The following CILP2 variants were observed in gnomAD, a reference collection of about 807,000 sequenced individuals.
The protein encoded by CILP2 is CILP-2.
Under a neutral mutation model 45.6 loss-of-function variants are expected in CILP2, and 38 were observed. The observed-to-expected ratio is 0.83, with a 90% CI of 0.64 to 1.09. The LOEUF is 1.09. Ranked by LOEUF, CILP2 falls within the 50% of genes least tolerant of loss-of-function variation. CILP2 has a pLI of 0.00. For synonymous variants in CILP2, 780 were observed against 723.5 expected (o/e 1.08, Z -1.25); for missense variants, 1,735 against 1,662.2 (o/e 1.04, Z -0.76).
At position 19,545,071 on chromosome 19, in the gene CILP2, G is replaced by A. The variant is rs1387983167; in HGVS notation, c.2526G>A (p.Leu842=). ...VGVTQPYLDR[L]GYRRTDHDDP... Reference sequence around the variant, plus strand: ...TCACCCAGCCCTACCTGGACAGGCTGGGGTACCGTCGGACGGACCACGACG... The same window carrying A: ...TCACCCAGCCCTACCTGGACAGGCTAGGGTACCGTCGGACGGACCACGACG... The change falls in exon 8 of 8, where the codon CTG becomes CTA. Residue 842 remains leucine, a synonymous_variant. Coordinates refer to ENST00000291495, the MANE Select transcript of CILP2 (RefSeq NM_153221.2). The A allele has an allele frequency of 6.2e-7, 1 of 1,609,592 alleles. No homozygotes were observed. Among genetic ancestry groups the A allele is most frequent in the Non-Finnish European group, 8.5e-7 (1 of 1,178,726 alleles).
rs1437532485 is a variant in CILP2, at chr19:19,545,170, T to C, written c.2625T>C (p.Asn875=). ...KPRPGDPAEA[N]GPVYPWRSLR... ...GGCCAGGTGACCCCGCCGAGGCCAA[T>C]GGGCCTGTGTACCCGTGGCGCAGCC... The change falls in exon 8 of 8, where the codon AAT becomes AAC. Residue 875 remains asparagine (N), a synonymous_variant. Transcript: ENST00000291495. 4 of 1,612,736 alleles carry C rather than the reference T, an allele frequency of 2.5e-6. No individual in the cohort carries two copies. Among genetic ancestry groups the C allele is most frequent in the South Asian group, 2.2e-5 (2 of 91,066 alleles).
Position 19,545,981 on chromosome 19 carries a change from C to A in CILP2, c.3436C>A (p.Pro1146Thr). 1 of 1,512,174 alleles carries A rather than the reference C, an allele frequency of 6.6e-7. No individual in the cohort carries two copies. Among genetic ancestry groups the A allele is most frequent in the Non-Finnish European group, 8.9e-7 (1 of 1,129,496 alleles). 93.7% of individuals were successfully genotyped at this position (1,512,174 alleles called of 1,614,324 possible). ...GCAGGCACAGGCCCGGGCCTCAGGT[C>A]CCCTCCGCACCCGCCGGGGTAGGGT... ...AAQAQARASGPLRTRRGRVRQ is the reference protein window; with the variant it reads ...AAQAQARASGTLRTRRGRVRQ The change falls in exon 8 of 8, where the codon CCC becomes ACC. Residue 1146 changes from proline to threonine, a missense_variant. Physicochemically the swap from Pro to Thr is conservative, Grantham distance 38. Transcript: ENST00000291495.
At chr19:19,538,488 C>A in intron 1 of CILP2, 75 bp downstream of exon 1, 1 of 1,223,840 alleles carries the variant, frequency 8.2e-7, no homozygotes, top group Non-Finnish European at 1.1e-6. Flanking sequence ...GGTGAAGCCG[C>A]ACTCGGGGAG....
In CILP2 at chr19:19,543,283, A is replaced by T; in HGVS notation, c.1013A>T (p.His338Leu). Residue 338 changes from histidine (H) to leucine (L), a missense_variant, in exon 7 of 8, where the codon CAT becomes CTT. Physicochemically the swap from His to Leu is moderately conservative, Grantham distance 99. Transcript: ENST00000291495. ...GGGACCCTGCTGGACAGGCGAGCTC[A>T]TGGGTACGGGGCCCACCTGGAGCTG... ...HNGTLLDRRAHGYGAHLELRG... is the reference protein window; with the variant it reads ...HNGTLLDRRALGYGAHLELRG... The T allele has an allele frequency of 6.2e-7, 1 of 1,613,746 alleles. No individual in the cohort carries two copies. The highest frequency in any genetic ancestry group is 8.5e-7 in the Non-Finnish European group (1 of 1,179,980).
Position 19,544,279 on chromosome 19 carries a change from G to A in CILP2, c.1734G>A (p.Glu578=), listed in dbSNP as rs746065463. 1.2e-6 allele frequency: 2 copies of A among 1,613,280 alleles called. No homozygotes were observed. Among genetic ancestry groups the A allele is most frequent in the East Asian group, 2.2e-5 (1 of 44,886 alleles). Reference sequence around the variant, plus strand: ...TCCCCCTGGGCGAGCTGGAAGATGAGGCGCCCCTGGGCGAGCTGGTCCTGC... The same window carrying A: ...TCCCCCTGGGCGAGCTGGAAGATGAAGCGCCCCTGGGCGAGCTGGTCCTGC... The part of the protein sequence containing the change: ...NTIPLGELED[E]APLGELVLPS... The change falls in exon 8 of 8, where the codon GAG becomes GAA. Residue 578 remains glutamate (E), a synonymous_variant. Transcript: ENST00000291495.
In CILP2 at chr19:19,543,812, C is replaced by T; in HGVS notation, c.1267C>T (p.Leu423=). 1.2e-6 allele frequency: 2 copies of T among 1,613,850 alleles called. No homozygotes were observed. The highest frequency in any genetic ancestry group is 1.7e-6 in the Non-Finnish European group (2 of 1,179,916). Residue 423 remains leucine, a synonymous_variant, in exon 8 of 8, where the codon CTG becomes TTG. Coordinates refer to ENST00000291495, the MANE Select transcript of CILP2 (RefSeq NM_153221.2). The stretch of plus-strand genomic sequence containing the variant: ...CTGTCCCGACACCCGCTGCCCCAGC[C>T]TGGCAGGCTCCAGCCCCCGCTGCGG... The part of the protein sequence containing the change: ...GLCPDTRCPS[L]AGSSPRCGDA...
Position 19,544,109 on chromosome 19 carries a change from G to C in CILP2, c.1564G>C (p.Val522Leu). 6.2e-7 allele frequency: 1 copy of C among 1,613,958 alleles called. No homozygotes were observed. The highest frequency in any genetic ancestry group is 2.2e-5 in the East Asian group (1 of 44,882). Residue 522 changes from valine (V) to leucine (L), a missense_variant, in exon 8 of 8, where the codon GTG becomes CTG. Coordinates refer to ENST00000291495, the MANE Select transcript of CILP2 (RefSeq NM_153221.2). Reference protein sequence around the residue: ...EVPPSTQRLVVTFVDPSGEFM... With the variant: ...EVPPSTQRLVLTFVDPSGEFM... Reference sequence around the variant, plus strand: ...GCCGCCCTCCACCCAGCGGCTGGTGGTGACTTTTGTGGACCCCAGCGGTGA... The same window carrying C: ...GCCGCCCTCCACCCAGCGGCTGGTGCTGACTTTTGTGGACCCCAGCGGTGA...
chr19:19,538,495 G>A, intron 1 of CILP2, 82 bp downstream of exon 1: 2 of 1,163,582 alleles, frequency 1.7e-6, no homozygotes, highest in East Asian at 3.1e-5. Context: ...CCGCACTCGG[G>A]GAGAGAACCC....
chr19:19,541,642 T>TGAG (rs2061244805), intron 4 of CILP2, among the ~76,000 whole-genome samples: 1 of 152,176 alleles, frequency 6.6e-6, no homozygotes, highest in Non-Finnish European at 1.5e-5. Flanking sequence ...ACAGATGTCT[T>TGAG]CGTGGGGAAA....
At chr19:19,542,007 AG>A (rs2061246242) in intron 4 of CILP2, among the ~76,000 whole-genome samples, 1 of 152,302 alleles carries the variant, frequency 6.6e-6, no homozygotes, top group East Asian at 1.9e-4. Flanking sequence ...AGGATTGGGA[AG>A]GGGGGCAGTT....
rs1410608326 is a variant in CILP2 at position 19,544,460 on chromosome 19, A to G, written c.1915A>G (p.Thr639Ala). The G allele has an allele frequency of 6.2e-7, 1 of 1,608,576 alleles. No individual in the cohort carries two copies. Among genetic ancestry groups the G allele is most frequent in the African/African-American group, 1.3e-5 (1 of 74,802 alleles). Reference sequence around the variant, plus strand: ...CGACGGCGAGCTGGCTCCACTGCGCACCTACGGCATGTTCTCCGTGGACCT... The same window carrying G: ...CGACGGCGAGCTGGCTCCACTGCGCGCCTACGGCATGTTCTCCGTGGACCT... ...DSDGELAPLRTYGMFSVDLRA... is the reference protein window; with the variant it reads ...DSDGELAPLRAYGMFSVDLRA... The change falls in exon 8 of 8, where the codon ACC becomes GCC. Residue 639 changes from threonine to alanine, a missense_variant. Transcript: ENST00000291495.
Position 19,540,298 on chromosome 19 carries a change from A to C in CILP2, c.258A>C (p.Pro86=), listed in dbSNP as rs777122149. The C allele has an allele frequency of 1.2e-5, 19 of 1,591,748 alleles. No homozygotes were observed. Among genetic ancestry groups the C allele is most frequent in the Non-Finnish European group, 1.5e-5 (18 of 1,172,942 alleles). Reference sequence around the variant, plus strand: ...CTGCCATCCGCTTCTACTACGGGCCAGCGCGCGTGTGCCCGCGACCGCTGG... The same window carrying C: ...CTGCCATCCGCTTCTACTACGGGCCCGCGCGCGTGTGCCCGCGACCGCTGG... ...SLAAIRFYYG[P]ARVCPRPLAL... Residue 86 remains proline (P), a synonymous_variant, in exon 3 of 8, where the codon CCA becomes CCC. Coordinates refer to ENST00000291495, the MANE Select transcript of CILP2 (RefSeq NM_153221.2).
chr19:19,544,657 C>G lies in CILP2; in HGVS notation c.2112C>G (p.Gly704=). The change falls in exon 8 of 8, where the codon GGC becomes GGG. Residue 704 remains glycine, a synonymous_variant. Coordinates refer to ENST00000291495, the MANE Select transcript of CILP2 (RefSeq NM_153221.2). ...ESGFRREGSS[G]PRVRREERVF... ...GCTTCCGGCGCGAGGGGTCCTCGGG[C>G]CCCCGGGTGCGCCGGGAGGAGCGCG... 1 of 1,551,402 alleles carries G rather than the reference C, an allele frequency of 6.4e-7. No individual in the cohort carries two copies. The highest frequency in any genetic ancestry group is 8.6e-7 in the Non-Finnish European group (1 of 1,157,042).
rs547424274 is a variant in CILP2, at chr19:19,542,127, C to G, written c.593-248C>G. 3.2e-4 allele frequency among the ~76,000 whole-genome samples: 49 copies of G among 152,256 alleles called. No homozygotes were observed. The South Asian group carries it at 9.3e-3, about 29-fold the overall frequency. ...TATTTTGAGACTTACCTCTCCTGTC[C>G]CCTCCTATAGGACCTCTTCCCTACG... On this transcript the variant is annotated intron_variant, in intron 4 of 7. Transcript: ENST00000291495.
chr19:19,544,236 C>G lies in CILP2; in HGVS notation c.1691C>G (p.Thr564Ser). Residue 564 changes from threonine to serine, a missense_variant, in exon 8 of 8, where the codon ACC becomes AGC. Physicochemically the swap from Thr to Ser is moderately conservative, Grantham distance 58. Transcript: ENST00000291495. ...MRKKAPVILH[T>S]SQSNTIPLGE... Reference sequence around the variant, plus strand: ...AAGAAAGCCCCGGTCATTTTACATACCAGCCAGAGCAACACGATCCCCCTG... The same window carrying G: ...AAGAAAGCCCCGGTCATTTTACATAGCAGCCAGAGCAACACGATCCCCCTG... 6.2e-7 allele frequency: 1 copy of G among 1,613,940 alleles called. No homozygotes were observed. The highest frequency in any genetic ancestry group is 1.1e-5 in the South Asian group (1 of 91,088).
rs1323719274 is a variant in CILP2, at chr19:19,546,613, G to C, written c.*597G>C. 1.3e-5 allele frequency: 2 copies of C among 152,658 alleles called. No individual in the cohort carries two copies. Among genetic ancestry groups the C allele is most frequent in the African/African-American group, 2.4e-5 (1 of 41,518 alleles). 9.5% of individuals were successfully genotyped at this position (152,658 alleles called of 1,614,324 possible). A position where few individuals can be genotyped will look rare whatever the true frequency, so the allele number is the denominator to read the frequency against. On this transcript the variant is annotated 3_prime_UTR_variant, in exon 8 of 8. Coordinates refer to ENST00000291495, the MANE Select transcript of CILP2 (RefSeq NM_153221.2). ...TGGTGCTTAGAGACCTGCCCGGGGCGTTGGGCAGGCCCTCCGGGGGCTGAA... is the reference window on the plus strand; with the variant it reads ...TGGTGCTTAGAGACCTGCCCGGGGCCTTGGGCAGGCCCTCCGGGGGCTGAA...
chr19:19,540,322 G>C lies in CILP2; in HGVS notation c.282G>C (p.Leu94=). The change falls in exon 3 of 8, where the codon CTG becomes CTC. Residue 94 remains leucine, a synonymous_variant. Transcript: ENST00000291495. ...CAGCGCGCGTGTGCCCGCGACCGCT[G>C]GCGCTGGAAGCGCGCACCACGGACT... The part of the protein sequence containing the change: ...YGPARVCPRP[L]ALEARTTDWA... The C allele has an allele frequency of 6.3e-7, 1 of 1,577,378 alleles. No homozygotes were observed. The highest frequency in any genetic ancestry group is 8.6e-7 in the Non-Finnish European group (1 of 1,166,842).
intron 5 of CILP2, 34 bp downstream of exon 5, chr19:19,542,684 C>A: frequency 6.2e-7 from 1 of 1,605,582 alleles, no homozygotes; most frequent in South Asian, 1.1e-5. Context: ...CATGAAGGGG[C>A]TGAGGATCTG....
At chr19:19,539,808 T>C (rs1179271754) in intron 2 of CILP2, 31 bp downstream of exon 2, 1 of 1,523,728 alleles carries the variant, frequency 6.6e-7, no homozygotes, top group South Asian at 1.2e-5. Flanking sequence ...GTCCCGTCTC[T>C]GCTGCGGGCT....
Sources: allele counts gnomAD v4.1 joint callset (sites outside exome capture counted in the v4.1 genomes callset), GRCh38; gene constraint gnomAD v4.1.1; transcripts MANE v1.5; gene names NCBI Gene and HGNC (gene_info 2026-07-23, HGNC 2026-07-21).